PCDHGB5: variants seen among roughly 807,000 people sequenced by gnomAD.
PCDHGB5 encodes the protein protocadherin gamma subfamily B, 5, also known as protocadherin gamma-B5.
A neutral mutation model predicts 62.9 loss-of-function variants in PCDHGB5; 48 were observed. The ratio of observed to expected loss-of-function variants is 0.76; its 90% CI spans 0.61 to 0.97. PCDHGB5 has a LOEUF of 0.97. PCDHGB5 is among the 50% of genes least tolerant of loss of function. The pLI, the probability that PCDHGB5 is intolerant of heterozygous loss-of-function variation, is 0.00. For missense variants in PCDHGB5, 1,118 were observed against 1,198.6 expected, an observed-to-expected ratio of 0.93 and a Z score of 0.99; for synonymous variants, 474 against 511.2, an observed-to-expected ratio of 0.93 and a Z score of 0.98.
chr5:141,440,527 T>G (rs1282939317), intron 1 of PCDHGB5: 3 of 152,222 alleles, frequency 2.0e-5, no homozygotes, highest in African/African-American at 7.2e-5. Context: ...TGAAGAATCA[T>G]GCACCACGGT....
At position 141,444,986 on chromosome 5, in the gene PCDHGB5, T is replaced by C. The variant is rs990862582; in HGVS notation, c.2397+44462T>C. On this transcript the variant is annotated intron_variant, in intron 1 of 3. Transcript: ENST00000617380. ...TGACACTTCAAATCCATGAACATGG[T>C]ATATATTTCCATTTAATTAGGTCTT... Among the ~76,000 whole-genome samples, 4 of 152,206 alleles carry C rather than the reference T, an allele frequency of 2.6e-5. No individual in the cohort carries two copies. The East Asian group carries it at 7.7e-4, about 29-fold the overall frequency.
Position 141,467,771 on chromosome 5 carries a change from A to G in PCDHGB5, c.2398-27036A>G, listed in dbSNP as rs542500016. Among the ~76,000 whole-genome samples, 11 of 151,422 alleles carry G rather than the reference A, an allele frequency of 7.3e-5. No individual in the cohort carries two copies. The South Asian group carries it at 2.3e-3, about 32-fold the overall frequency. On this transcript the variant is annotated intron_variant, in intron 1 of 3. Transcript: ENST00000617380. Reference sequence around the variant, plus strand: ...CCGCCTCACATGCTCAAGTGCCCGCACCTCAGCCTCTCAAGTAGCTGGGAC... The same window carrying G: ...CCGCCTCACATGCTCAAGTGCCCGCGCCTCAGCCTCTCAAGTAGCTGGGAC...
chr5:141,418,247 G>T, intron 1 of PCDHGB5: 1 of 1,614,032 alleles, frequency 6.2e-7, no homozygotes, highest in Non-Finnish European at 8.5e-7. Context: ...TAATGACCAC[G>T]CCCCTCAATT....
intron 1 of PCDHGB5, chr5:141,404,622 A>G (rs1182540384): frequency 9.9e-6 from 16 of 1,614,156 alleles, no homozygotes; most frequent in Non-Finnish European, 1.4e-5. Flanking sequence ...GACCAGAATG[A>G]CAATGCCCCA....
Position 141,432,726 on chromosome 5 carries a change from C to T in PCDHGB5, c.2397+32202C>T, listed in dbSNP as rs777248611. The T allele has an allele frequency of 3.1e-6, 5 of 1,614,092 alleles. No homozygotes were observed. Among genetic ancestry groups the T allele is most frequent in the Non-Finnish European group, 3.4e-6 (4 of 1,179,998 alleles). On this transcript the variant is annotated intron_variant, in intron 1 of 3. Coordinates refer to ENST00000617380, the MANE Select transcript of PCDHGB5 (RefSeq NM_018925.3). This position sits in a 1 kb window ranked among gnomAD's most constrained non-coding sequence, Gnocchi z 6.0. ...GACCACGGCCAGCCCCCTCTCTCCG[C>T]CACTGTCACGCTCACCGTGGCCGTG...
rs56854727 is a variant in PCDHGB5, at chr5:141,438,635, TACACACAC to T, written c.2397+38121_2397+38128del. ...ATATATATATATATATATATATATA[TACACACAC>T]ACACACACATATATGTATATATATA... On this transcript the variant is annotated intron_variant, in intron 1 of 3. Transcript: ENST00000617380. Among the ~76,000 whole-genome samples, 72 of 33,376 alleles carry T rather than the reference TACACACAC, an allele frequency of 2.2e-3. 1 individual carries two copies. Among genetic ancestry groups the T allele is most frequent in the Non-Finnish European group, 3.0e-3 (57 of 18,970 alleles). The allele number at this position is 33,376 out of a possible 152,430, so 21.9% of individuals were successfully genotyped here.
intron 1 of PCDHGB5, among the ~76,000 whole-genome samples, chr5:141,401,116 G>A (rs763920346): frequency 1.3e-5 from 2 of 152,036 alleles, no homozygotes; most frequent in African/African-American, 2.4e-5. Flanking sequence ...GGCCGAGGCG[G>A]TTGGATCACA....
intron 1 of PCDHGB5, chr5:141,421,703 G>A: frequency 1.2e-6 from 2 of 1,613,946 alleles, no homozygotes; most frequent in Middle Eastern, 1.6e-4. Context: ...CCTAATGCTA[G>A]GGATCCAGAT....
rs528779386 is a variant in PCDHGB5, at chr5:141,509,416, C to T, written c.2546-1531C>T. Among the ~76,000 whole-genome samples, 4 of 152,258 alleles carry T rather than the reference C, an allele frequency of 2.6e-5. No individual in the cohort carries two copies. In the East Asian group the frequency reaches 7.7e-4, roughly 29 times the overall value. ...TCTCAGGGCCTCCAGCAGCGAGCCCCAATGAGTCAAACTCTTGTTTCCTCC... is the reference window on the plus strand; with the variant it reads ...TCTCAGGGCCTCCAGCAGCGAGCCCTAATGAGTCAAACTCTTGTTTCCTCC... On this transcript the variant is annotated intron_variant, in intron 3 of 3. Transcript: ENST00000617380.
intron 1 of PCDHGB5, chr5:141,423,157 G>T: frequency 1.9e-6 from 3 of 1,610,820 alleles, no homozygotes; most frequent in East Asian, 2.2e-5. Context: ...GCAGAGCCTC[G>T]TGGTGGCCGT....
intron 1 of PCDHGB5, among the ~76,000 whole-genome samples, chr5:141,464,689 TATTATGA>T (rs1378742227): frequency 4.6e-5 from 7 of 152,182 alleles, no homozygotes; most frequent in Admixed American, 2.6e-4. Context: ...AAATTTCTCT[TATTATGA>T]ATGAGGTTAA....
chr5:141,413,953 C>A, intron 1 of PCDHGB5: 1 of 1,613,310 alleles, frequency 6.2e-7, no homozygotes, highest in Non-Finnish European at 8.5e-7. Context: ...TGAGAATTTG[C>A]CTGTGGGCAC....
At chr5:141,497,465 G>A (rs189158903) in intron 2 of PCDHGB5, among the ~76,000 whole-genome samples, 1 of 152,024 alleles carries the variant, frequency 6.6e-6, no homozygotes, top group East Asian at 1.9e-4. Flanking sequence ...TTGGAGATAT[G>A]GAGGAGAAGG....
intron 1 of PCDHGB5, among the ~76,000 whole-genome samples, chr5:141,482,385 A>T (rs1238551737): frequency 6.6e-6 from 1 of 152,210 alleles, no homozygotes; most frequent in Non-Finnish European, 1.5e-5. Context: ...AAGTCCCTGT[A>T]TGGAGCAAGT....
intron 1 of PCDHGB5, among the ~76,000 whole-genome samples, chr5:141,443,771 A>G (rs1031470429): frequency 9.2e-5 from 14 of 152,238 alleles, no homozygotes; most frequent in African/African-American, 3.1e-4. Context: ...ATACAATATT[A>G]CCAAAAAGAC....
At chr5:141,412,198 G>T (rs1248911071) in intron 1 of PCDHGB5, 1 of 152,180 alleles carries the variant, frequency 6.6e-6, no homozygotes, top group African/African-American at 2.4e-5. Flanking sequence ...ATGAAAACAG[G>T]TCATTTGACA....
chr5:141,503,372 G>A (rs1275544964), intron 2 of PCDHGB5, among the ~76,000 whole-genome samples: 1 of 151,968 alleles, frequency 6.6e-6, no homozygotes, highest in Non-Finnish European at 1.5e-5. Context: ...GGAGGCAGGT[G>A]GATCATGAGG....
chr5:141,398,643 C>G lies in PCDHGB5; in HGVS notation c.516C>G (p.Leu172=). 2 of 1,614,024 alleles carry G rather than the reference C, an allele frequency of 1.2e-6. No homozygotes were observed. The highest frequency in any genetic ancestry group is 1.7e-6 in the Non-Finnish European group (2 of 1,179,892). ...TAAACTCTCTGCAGAAGTATAAACT[C>G]TCTCTTAACCCAAGTTTCTCATTAA... is the stretch of plus-strand genomic sequence containing the variant. ...IGLNSLQKYK[L]SLNPSFSLII... Residue 172 remains leucine (L), a synonymous_variant, in exon 1 of 4, where the codon CTC becomes CTG. Coordinates refer to ENST00000617380, the MANE Select transcript of PCDHGB5 (RefSeq NM_018925.3).
rs543209695 is a variant in PCDHGB5, at chr5:141,431,563, C to A, written c.2397+31039C>A. The stretch of plus-strand genomic sequence containing the variant: ...AGCTGCTTGTAGTCAACGCTACCGA[C>A]CCTGACGAAGGAGTCAATGCGGAAG... On this transcript the variant is annotated intron_variant, in intron 1 of 3. Coordinates refer to ENST00000617380, the MANE Select transcript of PCDHGB5 (RefSeq NM_018925.3). The surrounding 1 kb of genome is among the most constrained non-coding windows in gnomAD (Gnocchi z 4.8). 1.2e-6 allele frequency: 2 copies of A among 1,614,144 alleles called. No individual in the cohort carries two copies. The highest frequency in any genetic ancestry group is 2.7e-5 in the African/African-American group (2 of 75,072).
Sources: gnomAD v4.1 joint callset for allele counts (sites outside exome capture counted in the v4.1 genomes callset) on GRCh38, gnomAD v4.1.1 for gene constraint, Gnocchi (gnomAD v3.1) non-coding constraint, MANE v1.5 for transcripts, NCBI Gene and HGNC (gene_info 2026-07-23, HGNC 2026-07-21) for gene names.